HABP4: variants seen among roughly 807,000 people sequenced by gnomAD.
The protein encoded by HABP4 is intracellular hyaluronan-binding protein 4.
Under a neutral mutation model 44.1 loss-of-function variants are expected in HABP4, and 32 were observed. The ratio of observed to expected loss-of-function variants is 0.73; its 90% CI spans 0.55 to 0.97. HABP4 has a LOEUF of 0.97. Among genes scored for constraint, HABP4 ranks in the 50% least tolerant of loss-of-function variants. The pLI is 0.00. For missense variants in HABP4, 503 were observed against 561.9 expected, an observed-to-expected ratio of 0.90 and a Z score of 1.06; for synonymous variants, 216 against 218.0, an observed-to-expected ratio of 0.99 and a Z score of 0.08.
rs1308734002 is a variant in HABP4 at position 96,458,500 on chromosome 9, G to A, written c.471G>A (p.Glu157=). ...SYREYRPYET[E]RQADFTAEKF... is the part of the protein sequence containing the mutation. ...GGGAATACCGACCCTATGAGACAGA[G>A]AGGCAGGCAGACTTCACAGCTGAGA... is the stretch of plus-strand genomic sequence containing the variant. Residue 157 remains glutamate, a synonymous_variant, in exon 2 of 8, where the codon GAG becomes GAA. Coordinates refer to ENST00000375249, the MANE Select transcript of HABP4 (RefSeq NM_014282.4). The A allele has an allele frequency of 6.2e-7, 1 of 1,613,678 alleles. No individual in the cohort carries two copies. The highest frequency in any genetic ancestry group is 1.1e-5 in the South Asian group (1 of 91,066).
chr9:96,454,069 T>C (rs1329061395), intron 1 of HABP4, among the ~76,000 whole-genome samples: 1 of 152,246 alleles, frequency 6.6e-6, no homozygotes, highest in Non-Finnish European at 1.5e-5. Context: ...TTTTCAGTTT[T>C]ATACTGTTGG....
At chr9:96,453,853 A>G (rs1342275777) in intron 1 of HABP4, among the ~76,000 whole-genome samples, 1 of 152,188 alleles carries the variant, frequency 6.6e-6, no homozygotes, top group African/African-American at 2.4e-5. Context: ...AATTCATGGC[A>G]GTGTTGATCT....
In HABP4 at chr9:96,471,024, A is replaced by G. The variant is rs751994605; in HGVS notation, c.757A>G (p.Thr253Ala). The stretch of plus-strand genomic sequence containing the variant: ...GCTGTTTTTCAGTGATGTGGAGCCA[A>G]CTGCACCGATGGAGGAACCCACAGT... ...SGKDTSDVEP[T>A]APMEEPTVVE... The change falls in exon 5 of 8, where the codon ACT (threonine) becomes GCT (alanine). Residue 253 changes from threonine (T) to alanine (A), a missense_variant. Physicochemically the swap from Thr to Ala is moderately conservative, Grantham distance 58. Coordinates refer to ENST00000375249, the MANE Select transcript of HABP4 (RefSeq NM_014282.4). 11 of 1,601,690 alleles carry G rather than the reference A, an allele frequency of 6.9e-6. No homozygotes were observed. Among genetic ancestry groups the G allele is most frequent in the East Asian group, 6.7e-5 (3 of 44,822 alleles).
chr9:96,485,019 T>A (rs34304649), intron 6 of HABP4, among the ~76,000 whole-genome samples: 46,227 of 152,194 alleles, frequency 0.3, 9,264 homozygotes, highest in African/African-American at 0.58. Context: ...TTCAACTCTG[T>A]TTCTTGATAA....
intron 2 of HABP4, among the ~76,000 whole-genome samples, chr9:96,460,800 A>G (rs1260506591): frequency 6.6e-6 from 1 of 152,264 alleles, no homozygotes; most frequent in Non-Finnish European, 1.5e-5. Flanking sequence ...TTCTCAGCGC[A>G]TCGCAGTACA....
intron 5 of HABP4, among the ~76,000 whole-genome samples, chr9:96,475,124 C>G (rs1049060203): frequency 1.3e-5 from 2 of 152,122 alleles, no homozygotes. Context: ...CACCTGTAAT[C>G]CCAGCACTTT....
At chr9:96,464,813 G>A (rs1832570576) in intron 2 of HABP4, among the ~76,000 whole-genome samples, 1 of 152,146 alleles carries the variant, frequency 6.6e-6, no homozygotes, top group African/African-American at 2.4e-5. Context: ...AAATGTTACC[G>A]GCTGGTTGTG....
chr9:96,485,633 A>T (rs1832962541), intron 6 of HABP4, among the ~76,000 whole-genome samples: 1 of 152,218 alleles, frequency 6.6e-6, no homozygotes, highest in Non-Finnish European at 1.5e-5. Context: ...GGAAACATCT[A>T]GCAGCATATG....
At chr9:96,482,834 C>A (rs1332638247) in intron 5 of HABP4, among the ~76,000 whole-genome samples, 1 of 145,074 alleles carries the variant, frequency 6.9e-6, no homozygotes, top group African/African-American at 2.9e-5. Flanking sequence ...TACTTTGTTT[C>A]TTTTTATTGC....
At chr9:96,456,821 A>ATATATATATATATC (rs1476155664) in intron 1 of HABP4, among the ~76,000 whole-genome samples, 1 of 123,686 alleles carries the variant, frequency 8.1e-6, no homozygotes, top group Non-Finnish European at 1.7e-5. Flanking sequence ...ATATATATAT[A>ATATATATATATATC]TCCATTAACT....
In HABP4 at chr9:96,451,524, A is replaced by G. The variant is rs562631037; in HGVS notation, c.349+896A>G. 2.0e-5 allele frequency: 19 copies of G among 961,342 alleles called. No individual in the cohort carries two copies. The East Asian group carries it at 1.6e-3, about 81-fold the overall frequency. 59.6% of individuals were successfully genotyped at this position (961,342 alleles called of 1,614,324 possible). A position where few individuals can be genotyped will look rare whatever the true frequency, so the allele number is the denominator to read the frequency against. On this transcript the variant is annotated intron_variant, in intron 1 of 7. Coordinates refer to ENST00000375249, the MANE Select transcript of HABP4 (RefSeq NM_014282.4). ...TAGGATTAAGATGTGTAGGTTGACCATTCCTGCCGACGTTTGCCAGTGTGT... is the reference window on the plus strand; with the variant it reads ...TAGGATTAAGATGTGTAGGTTGACCGTTCCTGCCGACGTTTGCCAGTGTGT...
At chr9:96,478,333 A>G (rs1832817946) in intron 5 of HABP4, among the ~76,000 whole-genome samples, 2 of 152,112 alleles carry the variant, frequency 1.3e-5, no homozygotes, top group Non-Finnish European at 2.9e-5. Flanking sequence ...GGGTTTCACC[A>G]TGTTGGCCAG....
chr9:96,480,004 G>A (rs1349782636), intron 5 of HABP4, among the ~76,000 whole-genome samples: 1 of 151,850 alleles, frequency 6.6e-6, no homozygotes, highest in Non-Finnish European at 1.5e-5. Context: ...CCCCCACCCA[G>A]TCTCTACAAA....
intron 6 of HABP4, among the ~76,000 whole-genome samples, chr9:96,485,330 C>T (rs1217525461): frequency 6.6e-6 from 1 of 152,174 alleles, no homozygotes. Flanking sequence ...GGATTACAGG[C>T]GTGAGCCACT....
chr9:96,475,992 T>C (rs1832780889), intron 5 of HABP4, among the ~76,000 whole-genome samples: 1 of 152,254 alleles, frequency 6.6e-6, no homozygotes, highest in Non-Finnish European at 1.5e-5. Context: ...CACTCTTTCA[T>C]ATATTCAGGT....
chr9:96,467,142 C>T (rs1832615647), intron 4 of HABP4, among the ~76,000 whole-genome samples: 1 of 151,902 alleles, frequency 6.6e-6, no homozygotes, highest in African/African-American at 2.4e-5. Flanking sequence ...AGGCTGGTCT[C>T]GAACTCCTGA....
intron 6 of HABP4, 64 bp downstream of exon 6, chr9:96,484,697 C>A: frequency 1.2e-6 from 1 of 869,358 alleles, no homozygotes; most frequent in Non-Finnish European, 1.9e-6. Flanking sequence ...GTGAAATGTA[C>A]CTTTCCACTT....
chr9:96,450,612 C>G lies in HABP4; in HGVS notation c.333C>G (p.Gly111=). 1 of 1,267,878 alleles carries G rather than the reference C, an allele frequency of 7.9e-7. No homozygotes were observed. Among genetic ancestry groups the G allele is most frequent in the Non-Finnish European group, 9.9e-7 (1 of 1,007,290 alleles). The allele number at this position is 1,267,878 out of a possible 1,614,324, so 78.5% of individuals were successfully genotyped here. A position where few individuals can be genotyped will look rare whatever the true frequency, so the allele number is the denominator to read the frequency against. ...PVAQRPDSPG[G]GLQAPGQKRT... ...CTCAGCGGCCCGATAGCCCCGGGGG[C>G]GGCCTGCAGGCGCCGGGTACGCGGG... The change falls in exon 1 of 8, where the codon GGC becomes GGG. Residue 111 remains glycine (G), a synonymous_variant. Transcript: ENST00000375249. The surrounding 1 kb of genome is among the most constrained non-coding windows in gnomAD (Gnocchi z 4.8).
chr9:96,489,968 C>G lies in HABP4; in HGVS notation c.1186-14C>G. Reference sequence around the variant, plus strand: ...AGGGGCAGTGGATTTCAAAGTATTTCTTTTTTTCTTTAGATGCAAGATGTT... The same window carrying G: ...AGGGGCAGTGGATTTCAAAGTATTTGTTTTTTTCTTTAGATGCAAGATGTT... On this transcript the variant is annotated splice_polypyrimidine_tract_variant and intron_variant, in intron 7 of 7. Transcript: ENST00000375249. The G allele has an allele frequency of 1.9e-6, 3 of 1,539,354 alleles. No homozygotes were observed. Among genetic ancestry groups the G allele is most frequent in the Non-Finnish European group, 2.7e-6 (3 of 1,111,752 alleles).
Sources: allele counts gnomAD v4.1 joint callset (sites outside exome capture counted in the v4.1 genomes callset), GRCh38; gene constraint gnomAD v4.1.1; non-coding constraint Gnocchi (gnomAD v3.1); transcripts MANE v1.5; gene names NCBI Gene and HGNC (gene_info 2026-07-23, HGNC 2026-07-21).